ZFPM2: variants seen among roughly 807,000 people sequenced by gnomAD.
ZFPM2 encodes zinc finger protein ZFPM2.
In ZFPM2, 20 loss-of-function variants were observed where a neutral mutation model predicts 98.6. The observed-to-expected ratio is 0.20, with a 90% confidence interval of 0.14 to 0.29. ZFPM2 has a LOEUF of 0.29. Ranked by LOEUF, ZFPM2 falls within the 10% of genes least tolerant of loss-of-function variation. The pLI, the probability that ZFPM2 is intolerant of heterozygous loss-of-function variation, is 1.00. For synonymous variants in ZFPM2, 518 were observed against 502.7 expected (o/e 1.03, Z -0.41); for missense variants, 1,310 against 1,388.6 (o/e 0.94, Z 0.90).
chr8:105,333,980 A>G (rs1812279984), intron 1 of ZFPM2, among the ~76,000 whole-genome samples: 2 of 151,682 alleles, frequency 1.3e-5, no homozygotes, highest in Non-Finnish European at 3.0e-5. Flanking sequence ...ATGCCTCTTA[A>G]TATTGTTTTC....
chr8:105,560,032 AC>A (rs1168061691), intron 3 of ZFPM2, among the ~76,000 whole-genome samples: 2 of 151,848 alleles, frequency 1.3e-5, no homozygotes, highest in Non-Finnish European at 2.9e-5. Flanking sequence ...ACATGAAGAA[AC>A]CCTGCTCTAC....
At chr8:105,644,311 G>T (rs1268911462) in intron 5 of ZFPM2, among the ~76,000 whole-genome samples, 1 of 148,838 alleles carries the variant, frequency 6.7e-6, no homozygotes, top group Non-Finnish European at 1.5e-5. Context: ...AAAAAAACAG[G>T]GTTTTGCCAT....
At chr8:105,792,743 G>A (rs1312097774) in intron 6 of ZFPM2, among the ~76,000 whole-genome samples, 7 of 152,222 alleles carry the variant, frequency 4.6e-5, no homozygotes, top group African/African-American at 1.4e-4. Flanking sequence ...GGTCACTCAC[G>A]ACTTGCTTTA....
intron 5 of ZFPM2, among the ~76,000 whole-genome samples, chr8:105,701,459 G>A (rs150937921): frequency 6.4e-4 from 97 of 152,228 alleles, no homozygotes; most frequent in African/African-American, 2.2e-3. Flanking sequence ...AACTTAGATG[G>A]AAAGTAAACT....
intron 5 of ZFPM2, among the ~76,000 whole-genome samples, chr8:105,698,283 G>T (rs1811065182): frequency 6.6e-6 from 1 of 152,158 alleles, no homozygotes; most frequent in African/African-American, 2.4e-5. Context: ...TTGCAAAGCG[G>T]AAGAGACACT....
chr8:105,730,379 G>C (rs17220879), intron 5 of ZFPM2, among the ~76,000 whole-genome samples: 11,332 of 151,752 alleles, frequency 0.075, 596 homozygotes, highest in Middle Eastern at 0.15. Context: ...CTCATATTTA[G>C]GTCCCACTGC....
At chr8:105,449,394 T>G (rs1344897059) in intron 3 of ZFPM2, among the ~76,000 whole-genome samples, 4 of 152,030 alleles carry the variant, frequency 2.6e-5, no homozygotes, top group Non-Finnish European at 4.4e-5. Context: ...ACACAAACTT[T>G]TCAGGATAAG....
intron 5 of ZFPM2, among the ~76,000 whole-genome samples, chr8:105,694,131 C>T (rs1369919878): frequency 4.6e-4 from 70 of 151,360 alleles, no homozygotes; most frequent in African/African-American, 9.7e-5. Flanking sequence ...GGACTACAGG[C>T]GCCTGTCACT....
intron 4 of ZFPM2, among the ~76,000 whole-genome samples, chr8:105,569,813 C>T (rs907545272): frequency 6.6e-6 from 1 of 152,142 alleles, no homozygotes; most frequent in Non-Finnish European, 1.5e-5. Flanking sequence ...GACAAACCAT[C>T]TGGGAAATTC....
intron 1 of ZFPM2, among the ~76,000 whole-genome samples, chr8:105,368,391 G>T (rs541389268): frequency 1.3e-5 from 2 of 152,036 alleles, no homozygotes; most frequent in African/African-American, 4.8e-5. Flanking sequence ...ACAATCTCAG[G>T]CCCAGTGTGT....
chr8:105,564,587 G>T (rs1815206879), intron 4 of ZFPM2, among the ~76,000 whole-genome samples: 1 of 151,920 alleles, frequency 6.6e-6, no homozygotes, highest in Admixed American at 6.6e-5. Context: ...TGTGAATTTG[G>T]TTCTATCATA....
chr8:105,534,012 CTCCCTTCT>C (rs1814369715), intron 3 of ZFPM2, among the ~76,000 whole-genome samples: 1 of 31,234 alleles, frequency 3.2e-5, no homozygotes, highest in Admixed American at 3.1e-4. Context: ...TCCTTCCTTC[CTCCCTTCT>C]TCCCTTCCTC....
chr8:105,616,108 A>G (rs1816408907), intron 4 of ZFPM2, among the ~76,000 whole-genome samples: 1 of 152,106 alleles, frequency 6.6e-6, no homozygotes, highest in Admixed American at 6.6e-5. Flanking sequence ...GGCATTCCCA[A>G]TTTAGAGTCC....
At chr8:105,597,387 AT>A in intron 4 of ZFPM2, among the ~76,000 whole-genome samples, 1 of 152,166 alleles carries the variant, frequency 6.6e-6, no homozygotes, top group Non-Finnish European at 1.5e-5. Flanking sequence ...TGTTTCAAAT[AT>A]TTGACATTTA....
chr8:105,476,469 C>T (rs1813014447), intron 3 of ZFPM2, among the ~76,000 whole-genome samples: 1 of 152,138 alleles, frequency 6.6e-6, no homozygotes, highest in Non-Finnish European at 1.5e-5. Context: ...CCCCACCCCT[C>T]CCCAGGTCCA....
At chr8:105,721,510 A>G (rs1465976975) in intron 5 of ZFPM2, among the ~76,000 whole-genome samples, 1 of 151,958 alleles carries the variant, frequency 6.6e-6, no homozygotes, top group African/African-American at 2.4e-5. Context: ...ATATCAAATC[A>G]CTTTTTTTAA....
At chr8:105,597,015 C>T (rs35434492) in intron 4 of ZFPM2, among the ~76,000 whole-genome samples, 36,004 of 151,386 alleles carry the variant, frequency 0.24, 4,525 homozygotes, top group South Asian at 0.35. Context: ...CAGGCTTATA[C>T]ATTTGTGTTT....
chr8:105,472,762 CCT>C (rs1357596353), intron 3 of ZFPM2, among the ~76,000 whole-genome samples: 1 of 151,896 alleles, frequency 6.6e-6, no homozygotes, highest in Non-Finnish European at 1.5e-5. Flanking sequence ...CCCGCCTCGG[CCT>C]CTCAAAATGC....
intron 1 of ZFPM2, among the ~76,000 whole-genome samples, chr8:105,343,551 G>T (rs1205909566): frequency 2.6e-5 from 4 of 152,120 alleles, no homozygotes; most frequent in Non-Finnish European, 4.4e-5. Flanking sequence ...TAATTCCAGA[G>T]GGTGCTCTGG....
Sources: allele counts gnomAD v4.1 joint callset (sites outside exome capture counted in the v4.1 genomes callset), GRCh38; gene constraint gnomAD v4.1.1; transcripts MANE v1.5; gene names NCBI Gene and HGNC (gene_info 2026-07-23, HGNC 2026-07-21).